HMGN5: variants seen among roughly 807,000 people sequenced by gnomAD.
HMGN5 encodes high mobility group nucleosome binding domain 5.
HMGN5 carries 4 observed loss-of-function variants against 9.5 expected under a neutral mutation model. The observed-to-expected ratio is 0.42, with a 90% CI of 0.21 to 0.96. HMGN5 has a LOEUF of 0.96. Ranked by LOEUF, HMGN5 falls within the 40% of genes least tolerant of loss-of-function variation. The pLI, the probability that HMGN5 is intolerant of heterozygous loss-of-function variation, is 0.30. For synonymous variants in HMGN5, 55 were observed against 57.1 expected (o/e 0.96, Z 0.16); for missense variants, 192 against 187.5 (o/e 1.02, Z -0.14).
intron 1 of HMGN5, among the ~76,000 whole-genome samples, chrX:81,153,585 ATATATATATATATATATATATAT>A (rs2075373588): frequency 3.0e-4 from 1 of 3,321 alleles, no homozygotes; most frequent in African/African-American, 1.1e-3. Context: ...CTCTCTCTCT[ATATATATATATATATATATATAT>A]ATATATATAT....
At chrX:81,144,899 A>G (rs369587072) in intron 1 of HMGN5, among the ~76,000 whole-genome samples, 2 of 112,059 alleles carry the variant, frequency 1.8e-5, no homozygotes, top group Non-Finnish European at 1.9e-5. Context: ...AAATGATACC[A>G]GAGATCAAAG....
chrX:81,144,359 G>T (rs2075337449), intron 1 of HMGN5, among the ~76,000 whole-genome samples: 1 of 111,596 alleles, frequency 9.0e-6, no homozygotes. Flanking sequence ...GGCAAACAGG[G>T]TCTGGAGTGG....
At chrX:81,188,170 C>T (rs540739535) in intron 1 of HMGN5, among the ~76,000 whole-genome samples, 1 of 109,229 alleles carries the variant, frequency 9.2e-6, no homozygotes, top group South Asian at 4.0e-4. Flanking sequence ...AAAATCATGG[C>T]TCACTGCAAT....
chrX:81,154,440 G>A (rs970212547), intron 1 of HMGN5, among the ~76,000 whole-genome samples: 1 of 111,294 alleles, frequency 9.0e-6, no homozygotes, highest in Non-Finnish European at 1.9e-5. Flanking sequence ...AACTCCCCAC[G>A]ACAACAGACC....
At chrX:81,194,996 G>GTTA (rs1300723124) in intron 1 of HMGN5, 1 of 111,908 alleles carries the variant, frequency 8.9e-6, no homozygotes, top group African/African-American at 3.3e-5. Flanking sequence ...ACTCTATGGA[G>GTTA]TTATTACTGG....
chrX:81,157,941 G>A (rs746049155), intron 1 of HMGN5, among the ~76,000 whole-genome samples: 14 of 109,822 alleles, frequency 1.3e-4, no homozygotes, highest in Non-Finnish European at 2.1e-4. Context: ...CACCATGCCC[G>A]GCTACTTTTT....
At chrX:81,174,919 CAT>C (rs1212239245) in intron 1 of HMGN5, among the ~76,000 whole-genome samples, 62 of 111,261 alleles carry the variant, frequency 5.6e-4, no homozygotes, top group African/African-American at 1.9e-3. Context: ...TGCATTCACA[CAT>C]GATACTCTTG....
chrX:81,166,704 T>C (rs1160489647), intron 1 of HMGN5, among the ~76,000 whole-genome samples: 1 of 111,486 alleles, frequency 9.0e-6, no homozygotes, highest in Non-Finnish European at 1.9e-5. Flanking sequence ...TGCTGGCTAT[T>C]TAAGGTCCCA....
At chrX:81,115,774 TA>T (rs2075251509) in intron 6 of HMGN5, among the ~76,000 whole-genome samples, 1 of 112,224 alleles carries the variant, frequency 8.9e-6, no homozygotes, top group East Asian at 2.8e-4. Flanking sequence ...TTACAATACC[TA>T]AAAATGTTGT....
chrX:81,182,429 TG>T (rs1232581389), intron 1 of HMGN5, among the ~76,000 whole-genome samples: 1 of 112,110 alleles, frequency 8.9e-6, no homozygotes, highest in African/African-American at 3.2e-5. Context: ...ATGTTGGAAG[TG>T]GGGCCTGGTG....
chrX:81,185,126 C>T (rs5959834), intron 1 of HMGN5, among the ~76,000 whole-genome samples: 2,118 of 111,312 alleles, frequency 0.019, 48 homozygotes, highest in African/African-American at 0.065. Flanking sequence ...TGGTTCCATA[C>T]AAATTTTTAG....
intron 1 of HMGN5, among the ~76,000 whole-genome samples, chrX:81,122,353 T>C (rs2075271572): frequency 8.9e-6 from 1 of 112,039 alleles, no homozygotes; most frequent in Non-Finnish European, 1.9e-5. Flanking sequence ...AGCAGAGGTC[T>C]ATCCAAATGA....
At chrX:81,144,747 C>G (rs1368681602) in intron 1 of HMGN5, among the ~76,000 whole-genome samples, 1 of 111,070 alleles carries the variant, frequency 9.0e-6, no homozygotes, top group Admixed American at 9.6e-5. Context: ...AGCTAGGAAC[C>G]TTGAAAAAAG....
intron 1 of HMGN5, among the ~76,000 whole-genome samples, chrX:81,190,430 C>G (rs913620751): frequency 9.0e-6 from 1 of 110,775 alleles, no homozygotes; most frequent in Non-Finnish European, 1.9e-5. Flanking sequence ...TTCTCACGAC[C>G]CCATAAATAA....
chrX:81,113,759 G>A lies in HMGN5; in HGVS notation c.*890C>T. 1.8e-5 allele frequency: 2 copies of A among 113,875 alleles called. No individual in the cohort carries two copies. 9.4% of individuals were successfully genotyped at this position (113,875 alleles called of 1,213,427 possible). On this transcript the variant is annotated 3_prime_UTR_variant, in exon 7 of 7. Transcript: ENST00000358130. ...GGCAAATCCATAGAGATAGAAGGCA[G>A]ATTAGTGGTTGCCAAGGGATGGAGG... is the stretch of plus-strand genomic sequence containing the variant.
Position 81,171,048 on chromosome X carries a change from A to C in HMGN5, c.-124+30689T>G, listed in dbSNP as rs138182864. Among the ~76,000 whole-genome samples the C allele has an allele frequency of 1.9e-4, 21 of 111,552 alleles. No individual in the cohort carries two copies. In the East Asian group the frequency reaches 5.6e-3, roughly 30 times the overall value. On this transcript the variant is annotated intron_variant, in intron 1 of 6. Transcript: ENST00000358130. ...AGGTTGATTTTGAGAGACTGAAATG[A>C]GTGTGGAAAAATGTATACAGCTGTC...
intron 1 of HMGN5, among the ~76,000 whole-genome samples, chrX:81,155,118 C>CATAT (rs981089415): frequency 2.3e-3 from 209 of 90,066 alleles, no homozygotes; most frequent in East Asian, 4.3e-3. Context: ...CACACATACA[C>CATAT]ATATATATAT....
chrX:81,172,614 A>G (rs1786716743), intron 1 of HMGN5, among the ~76,000 whole-genome samples: 1 of 110,532 alleles, frequency 9.0e-6, no homozygotes, highest in South Asian at 3.7e-4. Context: ...TAATTGAGTG[A>G]CAGGAAAGAC....
chrX:81,150,734 G>A (rs1454433579), intron 1 of HMGN5, among the ~76,000 whole-genome samples: 4 of 111,406 alleles, frequency 3.6e-5, no homozygotes, highest in African/African-American at 1.3e-4. Flanking sequence ...CCTATGGGCA[G>A]ACTAACTGAA....
Sources: allele counts gnomAD v4.1 joint callset (sites outside exome capture counted in the v4.1 genomes callset), GRCh38; gene constraint gnomAD v4.1.1; transcripts MANE v1.5; gene names NCBI Gene and HGNC (gene_info 2026-07-23, HGNC 2026-07-21).